SH3BP5: variants seen among roughly 807,000 people sequenced by gnomAD.
SH3BP5 encodes SH3 domain-binding protein 5.
SH3BP5 carries 22 observed loss-of-function variants against 43.3 expected under a neutral mutation model. The observed-to-expected ratio is 0.51, with a 90% confidence interval of 0.36 to 0.73. SH3BP5 has a LOEUF of 0.73. SH3BP5 is among the 30% of genes least tolerant of loss of function. The pLI is 0.00. For missense variants in SH3BP5, 529 were observed against 586.9 expected, an observed-to-expected ratio of 0.90 and a Z score of 1.02; for synonymous variants, 255 against 225.8, an observed-to-expected ratio of 1.13 and a Z score of -1.16.
chr3:15,337,084 GTTTTTTTTTTT>G (rs374056927), upstream of SH3BP5, among the ~76,000 whole-genome samples: 1 of 100,128 alleles, frequency 1.0e-5, no homozygotes, highest in Non-Finnish European at 1.9e-5. Flanking sequence ...TTTTAGTTTA[GTTTTTTTTTTT>G]TTTTTTTTTT....
At chr3:15,257,154 C>T in intron 7 of SH3BP5, 41 bp from the exon 8 acceptor site, 2 of 1,594,862 alleles carry the variant, frequency 1.3e-6, no homozygotes, top group Non-Finnish European at 1.7e-6. Flanking sequence ...GTTCTGTCAC[C>T]TCCTCAAACA....
chr3:15,301,959 C>G (rs1050501106), intron 3 of SH3BP5, among the ~76,000 whole-genome samples: 2 of 152,078 alleles, frequency 1.3e-5, no homozygotes, highest in Admixed American at 6.6e-5. Flanking sequence ...AGCATGGGCA[C>G]GTGGGCTGCT....
At chr3:15,262,026 GC>G in intron 5 of SH3BP5, 132 bp downstream of exon 5, 2 of 957,410 alleles carry the variant, frequency 2.1e-6, no homozygotes, top group Non-Finnish European at 3.1e-6. Context: ...GAGCAGGGGG[GC>G]TCTGGTGAGG....
At chr3:15,329,160 AAAT>A (rs1698538764) in intron 2 of SH3BP5, among the ~76,000 whole-genome samples, 1 of 152,046 alleles carries the variant, frequency 6.6e-6, no homozygotes, top group Non-Finnish European at 1.5e-5. Context: ...AAAAAAAAAA[AAAT>A]TTTAATTAAA....
intron 3 of SH3BP5, among the ~76,000 whole-genome samples, chr3:15,294,077 C>CAAAAAAAAAAAAAAAAA (rs111324706): frequency 1.4e-5 from 1 of 70,934 alleles, no homozygotes; most frequent in Non-Finnish European, 3.3e-5. Context: ...GTCTCCATCT[C>CAAAAAAAAAAAAAAAAA]AAAAAAAAAA....
intron 3 of SH3BP5, chr3:15,272,977 T>G: frequency 4.4e-5 from 8 of 183,542 alleles, no homozygotes; most frequent in Non-Finnish European, 6.1e-5. Flanking sequence ...TCCAGGCCCA[T>G]TAGTGGTTCT....
intron 2 of SH3BP5, among the ~76,000 whole-genome samples, chr3:15,305,980 T>C (rs1697891567): frequency 6.9e-6 from 1 of 145,218 alleles, no homozygotes; most frequent in South Asian, 2.2e-4. Flanking sequence ...AAACCCCACA[T>C]CCCCTCTACC....
rs142674138 is a variant in SH3BP5, at chr3:15,256,678, C to T, written c.1150+175G>A. ...ATAGAAGCTGAGTGGAGCCAGGAGC[C>T]CCCCCAGAACAGCACTTGGAAACAA... On this transcript the variant is annotated intron_variant, in intron 8 of 8. Coordinates refer to ENST00000383791, the MANE Select transcript of SH3BP5 (RefSeq NM_004844.5). The T allele has an allele frequency of 1.7e-4, 121 of 718,480 alleles. No individual in the cohort carries two copies. The African/African-American group carries it at 1.7e-3, about 10-fold the overall frequency. The allele number at this position is 718,480 out of a possible 1,614,324, so 44.5% of individuals were successfully genotyped here. A position where few individuals can be genotyped will look rare whatever the true frequency, so the allele number is the denominator to read the frequency against.
chr3:15,304,995 G>C (rs772865136), intron 2 of SH3BP5, among the ~76,000 whole-genome samples: 22 of 151,446 alleles, frequency 1.5e-4, no homozygotes, highest in African/African-American at 5.3e-4. Flanking sequence ...GGGGACACCT[G>C]TAATCCCAGC....
At chr3:15,276,023 A>C (rs1196253668) in intron 3 of SH3BP5, 1 of 150,850 alleles carries the variant, frequency 6.6e-6, no homozygotes, top group East Asian at 1.9e-4. Flanking sequence ...CTGTCTCAAA[A>C]AAAAAAAAAA....
At chr3:15,334,806 GC>G (rs1698682082), upstream of SH3BP5, among the ~76,000 whole-genome samples, 1 of 151,642 alleles carries the variant, frequency 6.6e-6, no homozygotes, top group South Asian at 2.1e-4. Context: ...CAAAAAATTC[GC>G]CAAGTGTGGT....
At chr3:15,318,929 C>T (rs549674367) in intron 2 of SH3BP5, among the ~76,000 whole-genome samples, 1 of 52,834 alleles carries the variant, frequency 1.9e-5, no homozygotes, top group East Asian at 4.9e-4. Flanking sequence ...TAACAAGTTC[C>T]AAGTGGGGAA....
At chr3:15,281,830 CT>C (rs1697138547) in intron 3 of SH3BP5, among the ~76,000 whole-genome samples, 2 of 152,128 alleles carry the variant, frequency 1.3e-5, no homozygotes, top group African/African-American at 4.8e-5. Context: ...TGGTGAAACC[CT>C]TTTTCTACTA....
intron 1 of SH3BP5, among the ~76,000 whole-genome samples, chr3:15,340,530 C>G (rs1156523188): frequency 6.6e-6 from 1 of 151,842 alleles, no homozygotes; most frequent in Non-Finnish European, 1.5e-5. Context: ...ACTTTGGGAT[C>G]ACCTGAGATC....
intron 2 of SH3BP5, among the ~76,000 whole-genome samples, chr3:15,318,507 T>C (rs1342365332): frequency 6.7e-6 from 1 of 149,134 alleles, no homozygotes; most frequent in Non-Finnish European, 1.5e-5. Context: ...TATGCAGCTA[T>C]GTAGTTTAGT....
chr3:15,256,597 A>T (rs964065714), intron 8 of SH3BP5: 1 of 593,044 alleles, frequency 1.7e-6, no homozygotes, highest in African/African-American at 1.9e-5. Flanking sequence ...CCTCTCTACT[A>T]TGTGCTTGCC....
intron 3 of SH3BP5, among the ~76,000 whole-genome samples, chr3:15,292,815 C>T (rs998188399): frequency 6.6e-6 from 1 of 152,082 alleles, no homozygotes; most frequent in East Asian, 1.9e-4. Flanking sequence ...ACCATTGCAC[C>T]CCAGCCTGGG....
Position 15,332,305 on chromosome 3 carries a change from A to C in SH3BP5, c.104T>G (p.Leu35Arg). 6.5e-7 allele frequency: 1 copy of C among 1,547,868 alleles called. No individual in the cohort carries two copies. Among genetic ancestry groups the C allele is most frequent in the South Asian group, 1.2e-5 (1 of 84,334 alleles). ...EEEEEGMEQG[L>R]EEEEEVDPRI... is the part of the protein sequence containing the mutation. ...GGGATCCACCTCTTCTTCCTCCTCC[A>C]GCCCCTGCTCCATCCCCTCTTCCTC... Residue 35 changes from leucine to arginine, a missense_variant, in exon 1 of 9, where the codon CTG (leucine) becomes CGG (arginine). Around this residue, in one of 3 missense-constraint regions of SH3BP5, gnomAD observed 75 missense variants for 61.8 expected, o/e 1.21. Coordinates refer to ENST00000383791, the MANE Select transcript of SH3BP5 (RefSeq NM_004844.5).
rs1377093079 is a variant in SH3BP5, at chr3:15,255,872, C to G, written c.*214G>C. The G allele has an allele frequency of 7.3e-6, 4 of 550,932 alleles. No homozygotes were observed. Among genetic ancestry groups the G allele is most frequent in the Middle Eastern group, 4.8e-4 (1 of 2,068 alleles). 34.1% of individuals were successfully genotyped at this position (550,932 alleles called of 1,614,324 possible). ...TCCACAAAGGCTGTGAACCTAGTCA[C>G]AGTCTACCCACAACAAGAACTCTGC... On this transcript the variant is annotated 3_prime_UTR_variant, in exon 9 of 9. Transcript: ENST00000383791.
Sources: allele counts gnomAD v4.1 joint callset (sites outside exome capture counted in the v4.1 genomes callset), GRCh38; gene constraint gnomAD v4.1.1; regional missense constraint gnomAD v4.1.1; transcripts MANE v1.5; gene names NCBI Gene and HGNC (gene_info 2026-07-23, HGNC 2026-07-21).